LDHC: variants seen among roughly 807,000 people sequenced by gnomAD.
LDHC encodes L-lactate dehydrogenase C chain.
LDHC carries 20 observed loss-of-function variants against 30.2 expected under a neutral mutation model. The observed-to-expected ratio is 0.66, with a 90% confidence interval of 0.47 to 0.96. The LOEUF is 0.96. Ranked by LOEUF, LDHC falls within the 40% of genes least tolerant of loss-of-function variation. LDHC has a pLI of 0.00. For missense variants in LDHC, 362 were observed against 394.9 expected (o/e 0.92, Z 0.71); for synonymous variants, 139 against 132.7 (o/e 1.05, Z -0.32).
Position 18,422,085 on chromosome 11 carries a change from A to T in LDHC, c.244+6784A>T, listed in dbSNP as rs534315340. ...GTTGCAGTGAGCCAAGATCACTGCC[A>T]CTATACTCCAGCCTAAGCGATGGAG... On this transcript the variant is annotated intron_variant, in intron 3 of 7. Transcript: ENST00000541669. 3.2e-4 allele frequency among the ~76,000 whole-genome samples: 48 copies of T among 152,132 alleles called. 1 individual carries two copies. Among genetic ancestry groups the T allele is most frequent in the African/African-American group, 1.1e-3 (45 of 41,414 alleles).
At position 18,428,945 on chromosome 11, in the gene LDHC, A is replaced by C. The variant is rs184069420; in HGVS notation, c.245-792A>C. ...TCATAGTAGTGACATTGTATTCAAC[A>C]GGTGAAACAACTGGTCATTTAGTAC... On this transcript the variant is annotated intron_variant, in intron 3 of 7. Transcript: ENST00000541669. Among the ~76,000 whole-genome samples, 1,101 of 151,946 alleles carry C rather than the reference A, an allele frequency of 7.2e-3. 3 individuals are homozygous for C. The highest frequency in any genetic ancestry group is 0.011 in the Non-Finnish European group (757 of 67,978).
At chr11:18,446,167 T>G (rs1371322294) in intron 6 of LDHC, 43 bp from the exon 7 acceptor site, 1 of 1,524,300 alleles carries the variant, frequency 6.6e-7, no homozygotes, top group Non-Finnish European at 9.1e-7. Context: ...TTCTCTGGGT[T>G]GACTTATTAT....
At chr11:18,412,555 A>G in intron 1 of LDHC, 147 bp downstream of exon 1, 1 of 632,124 alleles carries the variant, frequency 1.6e-6, no homozygotes, top group Non-Finnish European at 2.7e-6. Flanking sequence ...TGCCTGGTAG[A>G]CTGGGCCTTG....
At chr11:18,429,596 C>A in intron 3 of LDHC, 141 bp from the exon 4 acceptor site, 1 of 457,312 alleles carries the variant, frequency 2.2e-6, no homozygotes, top group Non-Finnish European at 3.8e-6. Context: ...TAGAAAAGTC[C>A]GTTCATCTCC....
At chr11:18,424,339 G>A (rs564669625) in intron 3 of LDHC, among the ~76,000 whole-genome samples, 6 of 151,706 alleles carry the variant, frequency 4.0e-5, no homozygotes, top group South Asian at 2.1e-4. Context: ...CCTAGATCGC[G>A]CCACTGCACT....
intron 5 of LDHC, among the ~76,000 whole-genome samples, chr11:18,435,470 A>G (rs1249850182): frequency 6.6e-6 from 1 of 150,746 alleles, no homozygotes; most frequent in African/African-American, 2.4e-5. Context: ...GCCTTCTTCT[A>G]TGATTGAAAG....
rs1866923526 is a variant in LDHC, at chr11:18,412,985, C to CCTCCCTT, written c.126+143_126+144insTCCCTTC. 1.7e-5 allele frequency: 6 copies of CCTCCCTT among 356,364 alleles called. No individual in the cohort carries two copies. The Admixed American group carries it at 2.5e-4, about 15-fold the overall frequency. The allele number at this position is 356,364 out of a possible 1,614,324, so 22.1% of individuals were successfully genotyped here. The stretch of plus-strand genomic sequence containing the variant: ...ACCTTTCCTCCCTCCCTCCCTCCCT[C>CCTCCCTT]CCTTCCTTCCTTCCTTCCTTCCTTT... On this transcript the variant is annotated intron_variant, in intron 2 of 7. Coordinates refer to ENST00000541669, the MANE Select transcript of LDHC (RefSeq NM_017448.5).
chr11:18,428,025 T>C (rs1848192679), intron 3 of LDHC, among the ~76,000 whole-genome samples: 2 of 151,998 alleles, frequency 1.3e-5, no homozygotes, highest in South Asian at 2.1e-4. Context: ...AAAATCTTTA[T>C]TGGGGCAGGA....
intron 3 of LDHC, among the ~76,000 whole-genome samples, chr11:18,423,594 G>A (rs184265766): frequency 6.6e-6 from 1 of 152,224 alleles, no homozygotes; most frequent in East Asian, 1.9e-4. Flanking sequence ...ACTAAAATGT[G>A]AAAAGCAAAA....
At chr11:18,416,131 G>C (rs1867019132) in intron 3 of LDHC, among the ~76,000 whole-genome samples, 1 of 152,136 alleles carries the variant, frequency 6.6e-6, no homozygotes, top group South Asian at 2.1e-4. Flanking sequence ...CTAAGCTTTT[G>C]TTTTCTTTAC....
At chr11:18,447,661 G>T (rs746598847) in intron 7 of LDHC, among the ~76,000 whole-genome samples, 2 of 152,160 alleles carry the variant, frequency 1.3e-5, no homozygotes, top group Non-Finnish European at 2.9e-5. Context: ...ATAACTAGGA[G>T]GTTAGTCCTT....
chr11:18,446,225 C>G lies in LDHC; in HGVS notation c.726C>G (p.Ile242Met), dbSNP rs1240785602. Residue 242 changes from isoleucine (I) to methionine (M), a missense_variant, in exon 7 of 8, where the codon ATC becomes ATG. Transcript: ENST00000541669. ...KQVIQSAYEIIKLKGYTSWAI... is the reference protein window; with the variant it reads ...KQVIQSAYEIMKLKGYTSWAI... ...ACAACTGTAGTGCCTATGAAATTAT[C>G]AAGCTGAAGGGGTATACCTCTTGGG... 3 of 1,601,164 alleles carry G rather than the reference C, an allele frequency of 1.9e-6. No homozygotes were observed. The highest frequency in any genetic ancestry group is 8.6e-7 in the Non-Finnish European group (1 of 1,168,488).
chr11:18,447,360 C>T (rs976037336), intron 7 of LDHC, among the ~76,000 whole-genome samples: 2 of 152,142 alleles, frequency 1.3e-5, no homozygotes, highest in Non-Finnish European at 2.9e-5. Flanking sequence ...TGGTCTTGAT[C>T]TCCTGACCTC....
intron 4 of LDHC, among the ~76,000 whole-genome samples, chr11:18,434,163 T>G (rs2134062054): frequency 6.6e-6 from 1 of 152,226 alleles, no homozygotes; most frequent in Middle Eastern, 3.4e-3. Flanking sequence ...TTTTTATTGT[T>G]TTTTCTTTAA....
At chr11:18,444,648 A>ATG (rs1848524457) in intron 6 of LDHC, among the ~76,000 whole-genome samples, 1 of 123,680 alleles carries the variant, frequency 8.1e-6, no homozygotes, top group Non-Finnish European at 1.7e-5. Flanking sequence ...ATATATATAT[A>ATG]TGCCTTATCT....
rs186228706 is a variant in LDHC at position 18,437,714 on chromosome 11, T to G, written c.593-814T>G. ...TTGCAGTGAGCCGAGATCGCGCCAC[T>G]GCACTCTAGCCTGGGCGACAGAGCA... On this transcript the variant is annotated intron_variant, in intron 5 of 7. Transcript: ENST00000541669. Among the ~76,000 whole-genome samples, 60 of 144,114 alleles carry G rather than the reference T, an allele frequency of 4.2e-4. No homozygotes were observed. In the East Asian group the frequency reaches 0.012, roughly 28 times the overall value. The allele number at this position is 144,114 out of a possible 152,430, so 94.5% of individuals were successfully genotyped here.
In LDHC at chr11:18,434,810, T is replaced by C. The variant is rs1458822235; in HGVS notation, c.489T>C (p.Cys163=). 3.7e-6 allele frequency: 6 copies of C among 1,610,578 alleles called. No individual in the cohort carries two copies. Among genetic ancestry groups the C allele is most frequent in the Non-Finnish European group, 3.4e-6 (4 of 1,176,864 alleles). ...TAACTCGTGTAATTGGAAGTGGTTG[T>C]AATCTAGACTCTGCCCGTTTCCGTT... The part of the protein sequence containing the change: ...LPVTRVIGSG[C]NLDSARFRYL... Residue 163 remains cysteine (C), a synonymous_variant, in exon 5 of 8, where the codon TGT becomes TGC. Transcript: ENST00000541669.
chr11:18,438,519 A>G lies in LDHC; in HGVS notation c.593-9A>G. 6.4e-7 allele frequency: 1 copy of G among 1,559,294 alleles called. No individual in the cohort carries two copies. On this transcript the variant is annotated splice_polypyrimidine_tract_variant and intron_variant, in intron 5 of 7. Transcript: ENST00000541669. ...AAGAAGAGTTTATTTTGAGATCTGT[A>G]TTTTTTAGTGCCCTTATGGAGTGGG...
chr11:18,421,017 A>T (rs901814958), intron 3 of LDHC, among the ~76,000 whole-genome samples: 2 of 152,106 alleles, frequency 1.3e-5, no homozygotes, highest in African/African-American at 2.4e-5. Context: ...ATAAGTTAAA[A>T]ATGCACGTTG....
Sources: gnomAD v4.1 joint callset for allele counts (sites outside exome capture counted in the v4.1 genomes callset) on GRCh38, gnomAD v4.1.1 for gene constraint, MANE v1.5 for transcripts, NCBI Gene and HGNC (gene_info 2026-07-23, HGNC 2026-07-21) for gene names.